The following CD6 variants were observed in gnomAD, a reference collection of about 807,000 sequenced individuals.
CD6 encodes the protein CD6 molecule.
Under a neutral mutation model 75.3 loss-of-function variants are expected in CD6, and 53 were observed. The observed-to-expected ratio is 0.70, with a 90% CI of 0.56 to 0.88. CD6 has a LOEUF of 0.88. Among genes scored for constraint, CD6 ranks in the 40% least tolerant of loss-of-function variants. CD6 has a pLI of 0.00. For synonymous variants in CD6, 359 were observed against 381.5 expected (o/e 0.94, Z 0.69); for missense variants, 770 against 897.1 (o/e 0.86, Z 1.81).
Position 61,009,705 on chromosome 11 carries a change from C to T in CD6, c.915C>T (p.Ser305=). ...YPSEAKVLCQ[S]LGCGTAVERP... ...CGGAGGCCAAGGTGCTCTGCCAGTCCTTGGGCTGTGGAACTGCGGTTGAGA... is the reference window on the plus strand; with the variant it reads ...CGGAGGCCAAGGTGCTCTGCCAGTCTTTGGGCTGTGGAACTGCGGTTGAGA... Residue 305 remains serine (S), a synonymous_variant, in exon 5 of 13, where the codon TCC becomes TCT. Coordinates refer to ENST00000313421, the MANE Select transcript of CD6 (RefSeq NM_006725.5). 6.2e-7 allele frequency: 1 copy of T among 1,614,152 alleles called. No individual in the cohort carries two copies.
chr11:60,995,773 C>A (rs1332531705), intron 1 of CD6, among the ~76,000 whole-genome samples: 1 of 152,104 alleles, frequency 6.6e-6, no homozygotes, highest in Admixed American at 6.5e-5. Flanking sequence ...CACCCAGGAC[C>A]CCCTGCCCCG....
At chr11:60,993,652 T>C (rs994125124) in intron 1 of CD6, among the ~76,000 whole-genome samples, 1 of 152,162 alleles carries the variant, frequency 6.6e-6, no homozygotes, top group Admixed American at 6.5e-5. Flanking sequence ...TGGGTTTAGA[T>C]CACTGTTCTA....
At chr11:60,993,292 G>A (rs1370884150) in intron 1 of CD6, among the ~76,000 whole-genome samples, 2 of 114,316 alleles carry the variant, frequency 1.7e-5, no homozygotes, top group Admixed American at 1.7e-4. Context: ...CGAGGAGTGA[G>A]GAGGAGAGAA....
intron 1 of CD6, among the ~76,000 whole-genome samples, chr11:60,980,620 G>A (rs186478755): frequency 1.3e-5 from 2 of 152,350 alleles, no homozygotes; most frequent in Non-Finnish European, 2.9e-5. Flanking sequence ...CTTGAGGTCA[G>A]GAGTCCGAGA....
intron 9 of CD6, 71 bp from the exon 10 acceptor site, chr11:61,017,408 A>T: frequency 7.9e-7 from 1 of 1,262,798 alleles, no homozygotes; most frequent in South Asian, 1.3e-5. Flanking sequence ...CGGGAAATCC[A>T]GCCTCTTCTC....
intron 1 of CD6, among the ~76,000 whole-genome samples, chr11:60,991,662 G>A (rs1306621819): frequency 6.6e-6 from 1 of 151,670 alleles, no homozygotes; most frequent in Non-Finnish European, 1.5e-5. Flanking sequence ...CCTTAGCCCT[G>A]TGAGGTTTTT....
rs776052564 is a variant in CD6 at position 60,971,928 on chromosome 11, C to T, written c.49+14C>T. On this transcript the variant is annotated intron_variant, in intron 1 of 12. Coordinates refer to ENST00000313421, the MANE Select transcript of CD6 (RefSeq NM_006725.5). ...CAGCCCTCTCAGGTAGGCCCCCTTC[C>T]CTCATCTCCTGCCACTGGTGCTGGA... 1 of 1,613,338 alleles carries T rather than the reference C, an allele frequency of 6.2e-7. No individual in the cohort carries two copies. Among genetic ancestry groups the T allele is most frequent in the Non-Finnish European group, 8.5e-7 (1 of 1,179,696 alleles).
intron 11 of CD6, 105 bp from the exon 12 acceptor site, chr11:61,018,184 C>A: frequency 7.7e-7 from 1 of 1,299,208 alleles, no homozygotes; most frequent in Non-Finnish European, 1.1e-6. Context: ...TGTCATTTGC[C>A]AAGCTAGGGA....
At chr11:61,010,740 C>T (rs765313315) in intron 5 of CD6, among the ~76,000 whole-genome samples, 5 of 152,220 alleles carry the variant, frequency 3.3e-5, no homozygotes, top group Admixed American at 6.5e-5. Flanking sequence ...AATGTCCGCT[C>T]TTCATCTCCC....
chr11:60,983,283 G>A (rs1322992513), intron 1 of CD6, among the ~76,000 whole-genome samples: 1 of 151,906 alleles, frequency 6.6e-6, no homozygotes, highest in Non-Finnish European at 1.5e-5. Flanking sequence ...GTAGAGACGG[G>A]GTTTCACCAT....
At position 60,999,173 on chromosome 11, in the gene CD6, AGAAG is replaced by A. The variant is rs1483482133; in HGVS notation, c.50-7389_50-7386del. Reference sequence around the variant, plus strand: ...ATAGAAAGGAAAGAAAGAAAGAGCAAGAAGGAAGGAAGGAAAACTTATTAATACC... The same window carrying A: ...ATAGAAAGGAAAGAAAGAAAGAGCAAGAAGGAAGGAAAACTTATTAATACC... On this transcript the variant is annotated intron_variant, in intron 1 of 12. Transcript: ENST00000313421. Among the ~76,000 whole-genome samples, 4 of 152,206 alleles carry A rather than the reference AGAAG, an allele frequency of 2.6e-5. No individual in the cohort carries two copies. In the East Asian group the frequency reaches 7.7e-4, roughly 29 times the overall value.
intron 1 of CD6, among the ~76,000 whole-genome samples, chr11:60,982,376 C>T (rs979936453): frequency 6.6e-6 from 1 of 152,172 alleles, no homozygotes; most frequent in Non-Finnish European, 1.5e-5. Context: ...GCTTAAGTAA[C>T]GCCGCCAGTG....
intron 8 of CD6, among the ~76,000 whole-genome samples, chr11:61,014,968 A>G (rs1859334584): frequency 6.6e-6 from 1 of 152,154 alleles, no homozygotes; most frequent in Non-Finnish European, 1.5e-5. Flanking sequence ...AGCATCTAGC[A>G]TAAGGCTTAG....
At chr11:60,994,904 G>A (rs1179110029) in intron 1 of CD6, among the ~76,000 whole-genome samples, 2 of 152,192 alleles carry the variant, frequency 1.3e-5, no homozygotes, top group Admixed American at 6.5e-5. Flanking sequence ...TGGCCTTGGA[G>A]AGCCAAGTGG....
Position 61,015,711 on chromosome 11 carries a change from A to G in CD6, c.1388-2A>G. On this transcript the variant is annotated splice_acceptor_variant, in intron 8 of 12. Transcript: ENST00000313421. LOFTEE classifies it high-confidence loss of function. ...ATGCCCTCGACTCTGTTCTCTCCCC[A>G]GTTTTCATGCTGCCCATCCAGGTCC... 1 of 1,613,990 alleles carries G rather than the reference A, an allele frequency of 6.2e-7. No homozygotes were observed. Among genetic ancestry groups the G allele is most frequent in the East Asian group, 2.2e-5 (1 of 44,876 alleles).
At chr11:60,988,368 T>C (rs936922685) in intron 1 of CD6, among the ~76,000 whole-genome samples, 2 of 152,192 alleles carry the variant, frequency 1.3e-5, no homozygotes, top group Non-Finnish European at 2.9e-5. Context: ...ACATGGCCAT[T>C]GGCCGCTGTC....
At chr11:61,009,898 C>A (rs1403457778) in intron 5 of CD6, 24 bp downstream of exon 5, 1 of 1,521,034 alleles carries the variant, frequency 6.6e-7, no homozygotes, top group South Asian at 1.3e-5. Flanking sequence ...CTCCACCCCC[C>A]CAGATTTGAG....
In CD6 at chr11:60,991,873, T is replaced by G. The variant is rs146368401; in HGVS notation, c.50-14701T>G. On this transcript the variant is annotated intron_variant, in intron 1 of 12. Coordinates refer to ENST00000313421, the MANE Select transcript of CD6 (RefSeq NM_006725.5). ...ATATATATCTATATATATGTATATA[T>G]ATATGTATATATATCTATAGAGAGA... Among the ~76,000 whole-genome samples, 1,197 of 146,902 alleles carry G rather than the reference T, an allele frequency of 8.1e-3. 9 individuals are homozygous for G. The highest frequency in any genetic ancestry group is 0.057 in the South Asian group (269 of 4,746).
chr11:61,013,706 A>C (rs1859262578), intron 7 of CD6, 143 bp downstream of exon 7: 2 of 965,564 alleles, frequency 2.1e-6, no homozygotes, highest in Non-Finnish European at 3.1e-6. Flanking sequence ...TTTTCCCAGC[A>C]TGCCCAGCAG....
Sources: gnomAD v4.1 joint callset for allele counts (sites outside exome capture counted in the v4.1 genomes callset) on GRCh38, gnomAD v4.1.1 for gene constraint, MANE v1.5 for transcripts, NCBI Gene and HGNC (gene_info 2026-07-23, HGNC 2026-07-21) for gene names.